SETD2: variants seen among roughly 807,000 people sequenced by gnomAD.
SETD2 encodes SET domain containing 2, histone lysine methyltransferase, also known as histone-lysine N-methyltransferase SETD2.
Under a neutral mutation model 242.1 loss-of-function variants are expected in SETD2, and 31 were observed. The ratio of observed to expected loss-of-function variants is 0.13; its 90% CI spans 0.10 to 0.17. The LOEUF is 0.17. SETD2 is among the 10% of genes least tolerant of loss of function. The pLI, the probability that SETD2 is intolerant of heterozygous loss-of-function variation, is 1.00. For synonymous variants in SETD2, 1,006 were observed against 1,066.5 expected (o/e 0.94, Z 1.11); for missense variants, 2,481 against 3,046.3 (o/e 0.81, Z 4.37).
Position 47,103,327 on chromosome 3 carries a change from TA to T in SETD2, c.4917+18del, listed in dbSNP as rs2107688063. ...AATCGTGAACAAATACCTCAAACTC[TA>T]AATCCACCTCAACTTACTTTTTGGG... is the stretch of plus-strand genomic sequence containing the variant. On this transcript the variant is annotated intron_variant, in intron 7 of 20. Transcript: ENST00000409792. 6.4e-7 allele frequency: 1 copy of T among 1,560,492 alleles called. No homozygotes were observed. The highest frequency in any genetic ancestry group is 8.8e-7 in the Non-Finnish European group (1 of 1,131,284).
In SETD2 at chr3:47,123,341, C is replaced by T. The variant is rs762208680; in HGVS notation, c.1295G>A (p.Arg432His). The change falls in exon 3 of 21, where the codon CGT (arginine) becomes CAT (histidine). Residue 432 changes from arginine to histidine, a missense_variant. This residue lies in a region of SETD2 where 1,300 missense variants were observed against 1,259.2 expected (regional missense o/e 1.03). Transcript: ENST00000409792. The stretch of plus-strand genomic sequence containing the variant: ...ATAAGGGGAGCTCCTATGGTAGCGA[C>T]GATCAGAGTCATAATAATGAGATCG... ...SERSHYYDSD[R>H]RYHRSSPYRE... The T allele has an allele frequency of 2.4e-5, 37 of 1,551,522 alleles. No homozygotes were observed. The South Asian group carries it at 2.7e-4, about 11-fold the overall frequency.
intron 1 of SETD2, among the ~76,000 whole-genome samples, chr3:47,155,226 G>C (rs2044100373): frequency 3.3e-5 from 5 of 151,840 alleles, no homozygotes. Flanking sequence ...TCAGGTAATA[G>C]TAGGGTTACA....
chr3:47,070,227 AACT>A (rs1286045736), intron 12 of SETD2, among the ~76,000 whole-genome samples: 3 of 152,244 alleles, frequency 2.0e-5, no homozygotes, highest in Admixed American at 6.5e-5. Flanking sequence ...AGTTTAGATC[AACT>A]ACTAAGTTGA....
chr3:47,040,618 A>G (rs1420794776), intron 17 of SETD2, among the ~76,000 whole-genome samples: 1 of 118,340 alleles, frequency 8.5e-6, no homozygotes, highest in Non-Finnish European at 1.6e-5. Context: ...TCTGTCACCC[A>G]GGCCGGAATG....
intron 18 of SETD2, among the ~76,000 whole-genome samples, chr3:47,035,117 T>C (rs537429702): frequency 6.6e-6 from 1 of 152,248 alleles, no homozygotes; most frequent in African/African-American, 2.4e-5. Context: ...TCTCTTACAG[T>C]TGATCACAGA....
intron 12 of SETD2, among the ~76,000 whole-genome samples, chr3:47,068,760 G>C (rs1256262890): frequency 6.8e-6 from 1 of 146,960 alleles, no homozygotes; most frequent in African/African-American, 2.5e-5. Flanking sequence ...CTCCCAAAGT[G>C]CTAGGATTAC....
At chr3:47,077,710 G>A (rs997869644) in intron 12 of SETD2, among the ~76,000 whole-genome samples, 4 of 152,124 alleles carry the variant, frequency 2.6e-5, no homozygotes, top group Non-Finnish European at 5.9e-5. Context: ...ATTTCCCAAC[G>A]CGAGGAACAA....
chr3:47,041,820 A>T (rs2039294513), intron 17 of SETD2, among the ~76,000 whole-genome samples: 1 of 152,196 alleles, frequency 6.6e-6, no homozygotes, highest in Non-Finnish European at 1.5e-5. Flanking sequence ...AGCATAAATA[A>T]TGTGTGTCAA....
chr3:47,115,830 G>A (rs1244284366), intron 4 of SETD2, among the ~76,000 whole-genome samples: 3 of 152,064 alleles, frequency 2.0e-5, no homozygotes, highest in Non-Finnish European at 4.4e-5. Flanking sequence ...TTTTTTAGTA[G>A]AGATGGGGTT....
intron 18 of SETD2, among the ~76,000 whole-genome samples, chr3:47,021,622 A>C (rs940522718): frequency 6.6e-6 from 1 of 152,204 alleles, no homozygotes; most frequent in Non-Finnish European, 1.5e-5. Flanking sequence ...CCAGACTTAC[A>C]TCATGGAAAT....
intron 18 of SETD2, among the ~76,000 whole-genome samples, chr3:47,024,796 A>C (rs2107504691): frequency 6.6e-6 from 1 of 152,356 alleles, no homozygotes; most frequent in Admixed American, 6.5e-5. Flanking sequence ...GCAGCAGTAA[A>C]TAAACTGCTG....
chr3:47,067,406 CTTTTTTTTTTTT>C (rs548953692), intron 12 of SETD2, among the ~76,000 whole-genome samples: 1,422 of 83,960 alleles, frequency 0.017, 19 homozygotes, highest in South Asian at 0.033. Flanking sequence ...TCCTGAGCAT[CTTTTTTTTTTTT>C]TTTTTTTTTT....
chr3:47,052,867 C>G (rs1014649723), intron 15 of SETD2, among the ~76,000 whole-genome samples: 1 of 151,888 alleles, frequency 6.6e-6, no homozygotes, highest in Non-Finnish European at 1.5e-5. Flanking sequence ...AATATATACC[C>G]ACTAGAAGTA....
rs150391868 is a variant in SETD2, at chr3:47,082,833, C to T, written c.6060+887G>A. 1.4e-4 allele frequency among the ~76,000 whole-genome samples: 21 copies of T among 152,264 alleles called. No homozygotes were observed. In the East Asian group the frequency reaches 3.7e-3, roughly 27 times the overall value. ...AAATCACAGGATCTAATGGAGTGAG[C>T]TTTGTCATCATAATTAGGGGCAGGG... On this transcript the variant is annotated intron_variant, in intron 12 of 20. Transcript: ENST00000409792.
chr3:47,109,551 G>T (rs2042570437), intron 5 of SETD2, among the ~76,000 whole-genome samples: 1 of 152,080 alleles, frequency 6.6e-6, no homozygotes, highest in South Asian at 2.1e-4. Context: ...AGGAGGCTAA[G>T]GTTGGGGGAT....
chr3:47,026,904 A>G lies in SETD2; in HGVS notation c.7351-7064T>C, dbSNP rs757626044. Among the ~76,000 whole-genome samples the G allele has an allele frequency of 4.6e-5, 7 of 152,240 alleles. No homozygotes were observed. In the South Asian group the frequency reaches 1.5e-3, roughly 32 times the overall value. Reference sequence around the variant, plus strand: ...AAACCACCATGGCACGTGTATACCTATATAACAAAACTGCACGTTCTGCAC... The same window carrying G: ...AAACCACCATGGCACGTGTATACCTGTATAACAAAACTGCACGTTCTGCAC... On this transcript the variant is annotated intron_variant, in intron 18 of 20. Transcript: ENST00000409792.
intron 18 of SETD2, chr3:47,028,926 G>A: frequency 5.3e-6 from 1 of 187,604 alleles, no homozygotes; most frequent in Non-Finnish European, 1.1e-5. Flanking sequence ...AGTGCACAGG[G>A]CAGAGGCCTT....
intron 1 of SETD2, among the ~76,000 whole-genome samples, chr3:47,157,264 A>C (rs2044146844): frequency 6.6e-6 from 1 of 152,154 alleles, no homozygotes; most frequent in Non-Finnish European, 1.5e-5. Flanking sequence ...CTGTCTCAAA[A>C]CAAAAAAATT....
intron 18 of SETD2, among the ~76,000 whole-genome samples, chr3:47,033,736 A>G (rs1255403935): frequency 7.6e-6 from 1 of 132,090 alleles, no homozygotes; most frequent in Non-Finnish European, 1.5e-5. Flanking sequence ...ATCTTGGCTC[A>G]CTGCAACCCC....
Sources: allele counts gnomAD v4.1 joint callset (sites outside exome capture counted in the v4.1 genomes callset), GRCh38; gene constraint gnomAD v4.1.1; regional missense constraint gnomAD v4.1.1; transcripts MANE v1.5; gene names NCBI Gene and HGNC (gene_info 2026-07-23, HGNC 2026-07-21).